Variants in RSF1 observed in about 807,000 individuals in gnomAD.
RSF1 encodes HBV pX-associated protein 8.
In RSF1, 13 loss-of-function variants were observed where a neutral mutation model predicts 145.2. The observed-to-expected ratio is 0.09, with a 90% confidence interval of 0.06 to 0.14. The LOEUF (loss-of-function observed/expected upper bound fraction) is 0.14. Ranked by LOEUF, RSF1 falls within the 10% of genes least tolerant of loss-of-function variation. RSF1 has a pLI of 1.00. For synonymous variants in RSF1, 577 were observed against 592.6 expected (o/e 0.97, Z 0.38); for missense variants, 1,517 against 1,718.2 (o/e 0.88, Z 2.07).
At chr11:77,862,364 C>T in the RSF1 span, among the ~76,000 whole-genome samples, 3 of 152,184 alleles carry the variant, frequency 2.0e-5, no homozygotes, top group Non-Finnish European at 2.9e-5. Context: ...TGTCCTAACC[C>T]TTGTAAAACA....
At chr11:77,828,206 C>G in the RSF1 span, among the ~76,000 whole-genome samples, 1 of 151,906 alleles carries the variant, frequency 6.6e-6, no homozygotes, top group South Asian at 2.1e-4. Context: ...ACTTGGGAGG[C>G]AGAGGTTGCA....
intron 1 of RSF1, among the ~76,000 whole-genome samples, chr11:77,811,998 ACT>A: frequency 6.6e-6 from 1 of 152,090 alleles, no homozygotes; most frequent in South Asian, 2.1e-4. Flanking sequence ...ACATAATGAA[ACT>A]CTGTCTCTAC....
At chr11:77,807,739 T>C (rs549258319) in intron 1 of RSF1, among the ~76,000 whole-genome samples, 3 of 152,224 alleles carry the variant, frequency 2.0e-5, no homozygotes, top group African/African-American at 7.2e-5. Context: ...CTGATTTCAA[T>C]GGAGCATTGT....
At chr11:77,813,816 A>C in intron 1 of RSF1, 1 of 198,452 alleles carries the variant, frequency 5.0e-6, no homozygotes, top group South Asian at 5.5e-5. Flanking sequence ...ATAATTTGTA[A>C]AAGGACACAC....
rs1386128396 is a variant in RSF1 at position 77,820,691 on chromosome 11, C to A, written c.24G>T (p.Ala8=). 7 of 1,550,090 alleles carry A rather than the reference C, an allele frequency of 4.5e-6. No individual in the cohort carries two copies. The highest frequency in any genetic ancestry group is 6.1e-6 in the Non-Finnish European group (7 of 1,148,158). The change falls in exon 1 of 16, where the codon GCG becomes GCT. Residue 8 remains alanine, a synonymous_variant. Transcript: ENST00000308488. ...GGCAGCCCGGAGGAGCCATCACCGC[C>A]GCCGCTGCCGCCGCCGTCGCCATTT... MATAAAA[A]AVMAPPGCPG...
chr11:77,778,703 C>T (rs1044013094), intron 1 of RSF1, among the ~76,000 whole-genome samples: 1 of 152,082 alleles, frequency 6.6e-6, no homozygotes, highest in Admixed American at 6.6e-5. Flanking sequence ...ACTAAATGGA[C>T]TCTTCAGTCT....
chr11:77,819,075 T>C (rs1038185059), intron 1 of RSF1, among the ~76,000 whole-genome samples: 1 of 152,242 alleles, frequency 6.6e-6, no homozygotes, highest in African/African-American at 2.4e-5. Flanking sequence ...GGTAATATTC[T>C]GAAGAACTTC....
intron 5 of RSF1, among the ~76,000 whole-genome samples, chr11:77,716,190 C>T (rs1305176779): frequency 6.6e-6 from 1 of 151,096 alleles, no homozygotes; most frequent in Admixed American, 6.6e-5. Flanking sequence ...TGAAGTAGTA[C>T]AGCCATATAG....
At chr11:77,810,808 C>G (rs961663801) in intron 1 of RSF1, among the ~76,000 whole-genome samples, 5 of 152,170 alleles carry the variant, frequency 3.3e-5, no homozygotes, top group African/African-American at 9.7e-5. Context: ...AATGTATTTT[C>G]AAAAACAGAG....
Position 77,777,041 on chromosome 11 carries a change from C to A in RSF1, c.188-12352G>T, listed in dbSNP as rs889713984. 5.3e-5 allele frequency among the ~76,000 whole-genome samples: 8 copies of A among 152,204 alleles called. No individual in the cohort carries two copies. In the East Asian group the frequency reaches 1.5e-3, roughly 29 times the overall value. ...AAACAAACAAAAGGACAGACTAGTA[C>A]AATAAAACCTCATGACCTCATCACC... is the stretch of plus-strand genomic sequence containing the variant. On this transcript the variant is annotated intron_variant, in intron 1 of 15. Transcript: ENST00000308488.
intron 3 of RSF1, among the ~76,000 whole-genome samples, chr11:77,745,536 G>A (rs1947990923): frequency 6.6e-6 from 1 of 151,126 alleles, no homozygotes; most frequent in African/African-American, 2.4e-5. Flanking sequence ...TGGTTATTCA[G>A]TAGTCATGGT....
At chr11:77,807,975 A>T (rs1364221619) in intron 1 of RSF1, among the ~76,000 whole-genome samples, 1 of 152,204 alleles carries the variant, frequency 6.6e-6, no homozygotes. Context: ...GACGAAGTCT[A>T]ATTTCCAAAA....
intron 4 of RSF1, among the ~76,000 whole-genome samples, chr11:77,733,867 T>G (rs1005576983): frequency 7.9e-5 from 12 of 152,336 alleles, no homozygotes; most frequent in Admixed American, 6.5e-4. Flanking sequence ...GAGCCCATCT[T>G]TTTCATTCCT....
the RSF1 span, among the ~76,000 whole-genome samples, chr11:77,831,659 G>T: frequency 6.7e-6 from 1 of 150,176 alleles, no homozygotes; most frequent in Non-Finnish European, 1.5e-5. Context: ...CACACAACAT[G>T]AAAGAAGCAG....
intron 2 of RSF1, among the ~76,000 whole-genome samples, chr11:77,757,461 C>G (rs1172784845): frequency 6.6e-6 from 1 of 152,066 alleles, no homozygotes; most frequent in African/African-American, 2.4e-5. Context: ...GGGTGGATCA[C>G]GAGGTCAGGA....
chr11:77,699,115 G>A (rs1019980603), intron 6 of RSF1, among the ~76,000 whole-genome samples: 1 of 152,150 alleles, frequency 6.6e-6, no homozygotes, highest in Non-Finnish European at 1.5e-5. Context: ...ATTCCTTGAA[G>A]AGGATTCTGG....
intron 1 of RSF1, among the ~76,000 whole-genome samples, chr11:77,792,628 T>C (rs1160580389): frequency 6.6e-6 from 1 of 152,050 alleles, no homozygotes. Context: ...ACCCCTGACG[T>C]TGTTTAGAGC....
chr11:77,688,781 T>G (rs1017456914), intron 9 of RSF1, among the ~76,000 whole-genome samples: 3 of 152,068 alleles, frequency 2.0e-5, no homozygotes, highest in Admixed American at 6.6e-5. Flanking sequence ...AAGAAAGAAA[T>G]AACCTAGCAT....
intron 1 of RSF1, among the ~76,000 whole-genome samples, chr11:77,778,221 AG>A (rs1225737463): frequency 5.8e-5 from 1 of 17,214 alleles, no homozygotes; most frequent in Non-Finnish European, 1.0e-4. Context: ...TGGGGAGGGG[AG>A]GGGGTGGGGG....
Sources: allele counts gnomAD v4.1 joint callset (sites outside exome capture counted in the v4.1 genomes callset), GRCh38; gene constraint gnomAD v4.1.1; transcripts MANE v1.5; gene names NCBI Gene and HGNC (gene_info 2026-07-23, HGNC 2026-07-21).